Variants in OR1L6 observed in about 807,000 individuals in gnomAD.
OR1L6 encodes the protein olfactory receptor family 1 subfamily L member 6.
A neutral mutation model predicts 3.0 loss-of-function variants in OR1L6; 2 were observed. The observed-to-expected ratio is 0.68, with a 90% CI of 0.28 to 2.13. OR1L6 has a LOEUF of 2.13. Ranked by LOEUF, OR1L6 falls within the 30% of genes most tolerant of loss-of-function variation. The pLI, the probability that OR1L6 is intolerant of heterozygous loss-of-function variation, is 0.14. For synonymous variants in OR1L6, 121 were observed against 148.4 expected (o/e 0.82, Z 1.34); for missense variants, 304 against 378.4 (o/e 0.80, Z 1.63).
At position 122,750,643 on chromosome 9, in the gene OR1L6, A is replaced by C; in HGVS notation, c.796A>C (p.Met266Leu). The C allele has an allele frequency of 6.2e-7, 1 of 1,614,152 alleles. No homozygotes were observed. Among genetic ancestry groups the C allele is most frequent in the South Asian group, 1.1e-5 (1 of 91,082 alleles). Residue 266 changes from methionine to leucine, a missense_variant, in exon 2 of 2, where the codon ATG becomes CTG. By Grantham distance (15) the Met-to-Leu change is conservative. This residue lies in a region of OR1L6 where 91 missense variants were observed against 87.8 expected (regional missense o/e 1.04). Coordinates refer to ENST00000304720, the MANE Select transcript of OR1L6 (RefSeq NM_001004453.3). ...IIYVYFRPLSMYSVVRDRVAT... is the reference protein window; with the variant it reads ...IIYVYFRPLSLYSVVRDRVAT... Reference sequence around the variant, plus strand: ...TTATGTCTATTTTAGGCCCCTGTCCATGTACTCAGTGGTTAGGGACCGGGT... The same window carrying C: ...TTATGTCTATTTTAGGCCCCTGTCCCTGTACTCAGTGGTTAGGGACCGGGT...
In OR1L6 at chr9:122,743,618, C is replaced by A. The variant is rs574220037; in HGVS notation, c.-14+1245C>A. On this transcript the variant is annotated intron_variant, in intron 1 of 1. Coordinates refer to ENST00000304720, the MANE Select transcript of OR1L6 (RefSeq NM_001004453.3). ...AGTAAGCAAGAAGAGGCTGGAATCC[C>A]AAAACGTGGACCCAGAAGACATCCA... Among the ~76,000 whole-genome samples the A allele has an allele frequency of 5.9e-5, 9 of 152,236 alleles. No homozygotes were observed. In the East Asian group the frequency reaches 1.7e-3, roughly 29 times the overall value.
chr9:122,745,659 G>A (rs538817742), intron 1 of OR1L6, among the ~76,000 whole-genome samples: 1 of 151,482 alleles, frequency 6.6e-6, no homozygotes, highest in Admixed American at 6.6e-5. Flanking sequence ...TGATCCGCCC[G>A]CCTCGGCCTC....
At chr9:122,745,220 C>G (rs4836908) in intron 1 of OR1L6, among the ~76,000 whole-genome samples, 241 of 152,266 alleles carry the variant, frequency 1.6e-3, no homozygotes, top group African/African-American at 5.5e-3. Flanking sequence ...TATGTATATA[C>G]AGACAAAAAA....
At chr9:122,746,229 C>A (rs915537590) in intron 1 of OR1L6, among the ~76,000 whole-genome samples, 2 of 152,146 alleles carry the variant, frequency 1.3e-5, no homozygotes, top group Non-Finnish European at 2.9e-5. Context: ...TTACTCCCTG[C>A]GGGATCTGGT....
chr9:122,749,917 C>T lies in OR1L6; in HGVS notation c.70C>T (p.Leu24=). The change falls in exon 2 of 2, where the codon CTG becomes TTG. Residue 24 remains leucine (L), a synonymous_variant. Coordinates refer to ENST00000304720, the MANE Select transcript of OR1L6 (RefSeq NM_001004453.3). The part of the protein sequence containing the change: ...ILLGLSSNPQ[L]QKPLFAIFLI... ...CCTGGGCCTCTCTTCCAACCCTCAG[C>T]TGCAGAAACCTCTCTTTGCCATCTT... is the stretch of plus-strand genomic sequence containing the variant. 1 of 1,614,138 alleles carries T rather than the reference C, an allele frequency of 6.2e-7. No homozygotes were observed. Among genetic ancestry groups the T allele is most frequent in the Non-Finnish European group, 8.5e-7 (1 of 1,180,018 alleles).
At position 122,749,665 on chromosome 9, in the gene OR1L6, G is replaced by T. The variant is rs191600384; in HGVS notation, c.-13-170G>T. 2,175 of 706,318 alleles carry T rather than the reference G, an allele frequency of 3.1e-3. 8 individuals carry two copies. Among genetic ancestry groups the T allele is most frequent in the Non-Finnish European group, 4.4e-3 (1,756 of 398,760 alleles). 43.8% of individuals were successfully genotyped at this position (706,318 alleles called of 1,614,324 possible). On this transcript the variant is annotated intron_variant, in intron 1 of 1. Transcript: ENST00000304720. ...GGAGCTTGCAGTGAGCTGAGATCAC[G>T]CCACTGCACTCCAGTCTGGGCGACA... is the stretch of plus-strand genomic sequence containing the variant.
At chr9:122,745,327 C>T (rs958287035) in intron 1 of OR1L6, among the ~76,000 whole-genome samples, 1 of 148,308 alleles carries the variant, frequency 6.7e-6, no homozygotes, top group Non-Finnish European at 1.5e-5. Context: ...AGAAAAAGAT[C>T]TTTAAAATAT....
chr9:122,748,865 C>T (rs1828861431), intron 1 of OR1L6, among the ~76,000 whole-genome samples: 1 of 152,132 alleles, frequency 6.6e-6, no homozygotes, highest in East Asian at 1.9e-4. Flanking sequence ...GAATAATGAC[C>T]TCCAGTTCCA....
chr9:122,748,229 TA>T (rs1399373999), intron 1 of OR1L6, among the ~76,000 whole-genome samples: 2 of 152,070 alleles, frequency 1.3e-5, no homozygotes, highest in Non-Finnish European at 2.9e-5. Context: ...CTGTGGACAA[TA>T]AGGAGCATTG....
At chr9:122,748,686 T>C (rs572197837) in intron 1 of OR1L6, among the ~76,000 whole-genome samples, 33 of 152,318 alleles carry the variant, frequency 2.2e-4, no homozygotes, top group African/African-American at 7.7e-4. Flanking sequence ...CTTTTACTCC[T>C]GACCCCCACT....
At chr9:122,745,750 A>G (rs1406954549) in intron 1 of OR1L6, among the ~76,000 whole-genome samples, 2 of 152,140 alleles carry the variant, frequency 1.3e-5, no homozygotes, top group African/African-American at 4.8e-5. Context: ...AATACAATAT[A>G]AAGTTAAGTA....
At chr9:122,744,239 C>A (rs539914858) in intron 1 of OR1L6, among the ~76,000 whole-genome samples, 2 of 152,298 alleles carry the variant, frequency 1.3e-5, no homozygotes, top group African/African-American at 2.4e-5. Context: ...GCATGGATAA[C>A]AAGTAGCTTT....
At chr9:122,749,741 T>C in intron 1 of OR1L6, 94 bp from the exon 2 acceptor site, 1 of 1,141,912 alleles carries the variant, frequency 8.8e-7, no homozygotes, top group Non-Finnish European at 1.3e-6. Flanking sequence ...CAAAGGGCTA[T>C]GAGCTATTTT....
In OR1L6 at chr9:122,750,017, A is replaced by G. The variant is rs1415867639; in HGVS notation, c.170A>G (p.His57Arg). The change falls in exon 2 of 2, where the codon CAC becomes CGC. Residue 57 changes from histidine (H) to arginine (R), a missense_variant. Physicochemically the swap from His to Arg is conservative, Grantham distance 29. Coordinates refer to ENST00000304720, the MANE Select transcript of OR1L6 (RefSeq NM_001004453.3). ...GCCATCTACTCTGACCCCAGGCTCC[A>G]CACCCCTATGTACTTTTTTCTCAGC... ...IPAIYSDPRL[H>R]TPMYFFLSNL... 1 of 1,614,156 alleles carries G rather than the reference A, an allele frequency of 6.2e-7. No individual in the cohort carries two copies. The highest frequency in any genetic ancestry group is 1.7e-5 in the Admixed American group (1 of 60,020).
At chr9:122,747,551 C>T (rs1828848345) in intron 1 of OR1L6, among the ~76,000 whole-genome samples, 1 of 151,944 alleles carries the variant, frequency 6.6e-6, no homozygotes, top group South Asian at 2.1e-4. Context: ...AATATTGATA[C>T]AAATATCTCT....
In OR1L6 at chr9:122,750,539, C is replaced by G. The variant is rs750123675; in HGVS notation, c.692C>G (p.Ser231Cys). ...ATGGTCACTGTGCTCAGAATCCCCT[C>G]TGCAGCCGGGAAGTGGAAGGCCTTC... is the stretch of plus-strand genomic sequence containing the variant. The part of the protein sequence containing the change: ...RIMVTVLRIP[S>C]AAGKWKAFST... The change falls in exon 2 of 2, where the codon TCT (serine) becomes TGT (cysteine). Residue 231 changes from serine to cysteine, a missense_variant. Coordinates refer to ENST00000304720, the MANE Select transcript of OR1L6 (RefSeq NM_001004453.3). 3 of 1,580,726 alleles carry G rather than the reference C, an allele frequency of 1.9e-6. No homozygotes were observed. The highest frequency in any genetic ancestry group is 2.6e-6 in the Non-Finnish European group (3 of 1,152,840).
chr9:122,743,975 A>G (rs1050048134), intron 1 of OR1L6, among the ~76,000 whole-genome samples: 3 of 152,194 alleles, frequency 2.0e-5, no homozygotes, highest in African/African-American at 7.2e-5. Context: ...GGTGTGATAG[A>G]GCAGTTTAAA....
intron 1 of OR1L6, among the ~76,000 whole-genome samples, chr9:122,744,828 A>C (rs1001303082): frequency 4.6e-5 from 7 of 152,218 alleles, no homozygotes; most frequent in Non-Finnish European, 7.3e-5. Flanking sequence ...ACCATCATCT[A>C]TTTGGAAGTG....
chr9:122,750,536 C>G lies in OR1L6; in HGVS notation c.689C>G (p.Pro230Arg). 6.4e-7 allele frequency: 1 copy of G among 1,559,736 alleles called. No homozygotes were observed. The highest frequency in any genetic ancestry group is 8.8e-7 in the Non-Finnish European group (1 of 1,134,440). Residue 230 changes from proline (P) to arginine (R), a missense_variant, in exon 2 of 2, where the codon CCC becomes CGC. This residue lies in a region of OR1L6 where 21 missense variants were observed against 47.9 expected (regional missense o/e 0.44). Transcript: ENST00000304720. ...LRIMVTVLRI[P>R]SAAGKWKAFS... ...ATCATGGTCACTGTGCTCAGAATCCCCTCTGCAGCCGGGAAGTGGAAGGCC... is the reference window on the plus strand; with the variant it reads ...ATCATGGTCACTGTGCTCAGAATCCGCTCTGCAGCCGGGAAGTGGAAGGCC...
Sources: allele counts gnomAD v4.1 joint callset (sites outside exome capture counted in the v4.1 genomes callset), GRCh38; gene constraint gnomAD v4.1.1; regional missense constraint gnomAD v4.1.1; transcripts MANE v1.5; gene names NCBI Gene and HGNC (gene_info 2026-07-23, HGNC 2026-07-21).